CELF2: variants seen among roughly 807,000 people sequenced by gnomAD.
The protein encoded by CELF2 is CUGBP Elav-like family member 2, also known as CUG triplet repeat RNA-binding protein 2.
CELF2 carries 8 observed loss-of-function variants against 62.6 expected under a neutral mutation model. The observed-to-expected ratio is 0.13, with a 90% CI of 0.07 to 0.23. The LOEUF (loss-of-function observed/expected upper bound fraction) is 0.23. Ranked by LOEUF, CELF2 falls within the 10% of genes least tolerant of loss-of-function variation. CELF2 has a pLI of 1.00. For synonymous variants in CELF2, 258 were observed against 250.0 expected (o/e 1.03, Z -0.30); for missense variants, 333 against 671.0 (o/e 0.50, Z 5.56).
chr10:10,637,738 ATGT>A, the CELF2 span, among the ~76,000 whole-genome samples: 3 of 152,192 alleles, frequency 2.0e-5, no homozygotes, highest in Non-Finnish European at 2.9e-5. Flanking sequence ...TGATTTGAAC[ATGT>A]TGTAGGATCT....
intron 4 of CELF2, among the ~76,000 whole-genome samples, chr10:11,253,876 C>T (rs1056473116): frequency 4.6e-5 from 7 of 152,096 alleles, no homozygotes; most frequent in African/African-American, 1.7e-4. Context: ...ATTCAGTGTC[C>T]GTCATGGAAA....
At chr10:10,690,294 T>A in the CELF2 span, among the ~76,000 whole-genome samples, 1,386 of 152,314 alleles carry the variant, frequency 9.1e-3, 22 homozygotes, top group African/African-American at 0.031. Context: ...TCCTCCAGAC[T>A]GTAGCTTCCT....
chr10:10,652,293 A>G, the CELF2 span, among the ~76,000 whole-genome samples: 1 of 129,118 alleles, frequency 7.7e-6, no homozygotes, highest in Non-Finnish European at 1.7e-5. Flanking sequence ...GTTGGAAAAC[A>G]CTCTGCAGGA....
Position 11,300,733 on chromosome 10 carries a change from G to A in CELF2, c.976+12181G>A, listed in dbSNP as rs1036794361. On this transcript the variant is annotated intron_variant, in intron 9 of 12. Transcript: ENST00000633077. The surrounding 1 kb of genome is among the most constrained non-coding windows in gnomAD (Gnocchi z 5.5). The stretch of plus-strand genomic sequence containing the variant: ...CTACTTCCTCACAATCTTTTCCTGC[G>A]CAGTTGGAATTCCGCATCCAAGCTC... 1.1e-4 allele frequency among the ~76,000 whole-genome samples: 17 copies of A among 152,130 alleles called. No homozygotes were observed. The highest frequency in any genetic ancestry group is 1.0e-3 in the Admixed American group (16 of 15,276).
At chr10:10,526,095 T>C in the CELF2 span, among the ~76,000 whole-genome samples, 3 of 152,362 alleles carry the variant, frequency 2.0e-5, no homozygotes, top group Middle Eastern at 3.4e-3. Flanking sequence ...TTTTCACATA[T>C]AGATGTTGAT....
At chr10:11,193,238 G>C (rs1461163289) in intron 2 of CELF2, among the ~76,000 whole-genome samples, 1 of 152,098 alleles carries the variant, frequency 6.6e-6, no homozygotes. Context: ...GCTTCTCCAG[G>C]GCTGTCATTG....
At chr10:11,176,834 C>T (rs556682941) in intron 2 of CELF2, among the ~76,000 whole-genome samples, 4 of 152,274 alleles carry the variant, frequency 2.6e-5, no homozygotes, top group Non-Finnish European at 4.4e-5. Context: ...TTCCTTCATC[C>T]GCTTTTACAT....
At position 11,112,821 on chromosome 10, in the gene CELF2, G is replaced by C. The variant is rs137874566; in HGVS notation, c.75-52665G>C. ...AAACGGAACCATGAGTAAACGCAGTGCATTTCCACATGCGTAGCCCATATC... is the reference window on the plus strand; with the variant it reads ...AAACGGAACCATGAGTAAACGCAGTCCATTTCCACATGCGTAGCCCATATC... On this transcript the variant is annotated intron_variant, in intron 1 of 12. Transcript: ENST00000633077. Among the ~76,000 whole-genome samples, 98 of 152,332 alleles carry C rather than the reference G, an allele frequency of 6.4e-4. 2 individuals carry two copies. In the East Asian group the frequency reaches 0.018, roughly 28 times the overall value.
chr10:11,140,793 G>A (rs1564908961), intron 1 of CELF2, among the ~76,000 whole-genome samples: 1 of 152,134 alleles, frequency 6.6e-6, no homozygotes, highest in Non-Finnish European at 1.5e-5. Flanking sequence ...AGGTGGGAAG[G>A]ATTGCTTGAG....
the CELF2 span, among the ~76,000 whole-genome samples, chr10:10,571,256 C>T: frequency 6.6e-6 from 1 of 152,230 alleles, no homozygotes. Flanking sequence ...ATTTACCATC[C>T]ACAGACATTT....
At chr10:10,467,831 G>C in the CELF2 span, among the ~76,000 whole-genome samples, 1 of 151,928 alleles carries the variant, frequency 6.6e-6, no homozygotes, top group African/African-American at 2.4e-5. Flanking sequence ...GGGACTTCAA[G>C]AAGGTCATGG....
chr10:10,773,244 T>C, the CELF2 span, among the ~76,000 whole-genome samples: 2 of 152,214 alleles, frequency 1.3e-5, no homozygotes, highest in African/African-American at 4.8e-5. Flanking sequence ...GATTATTGTG[T>C]TATATGTGCC....
chr10:10,810,081 G>T (rs985916383), intron 1 of CELF2, among the ~76,000 whole-genome samples: 1 of 152,248 alleles, frequency 6.6e-6, no homozygotes, highest in Admixed American at 6.5e-5. Flanking sequence ...TCTTTTAAAG[G>T]ATTTTGTAAA....
intron 3 of CELF2, among the ~76,000 whole-genome samples, chr10:11,245,982 C>T (rs141547342): frequency 3.9e-5 from 6 of 152,276 alleles, no homozygotes; most frequent in African/African-American, 1.2e-4. Context: ...TGTGTCTATG[C>T]AGTCACTTAT....
the CELF2 span, among the ~76,000 whole-genome samples, chr10:10,629,861 C>CAAAAAAAAA: frequency 5.7e-4 from 7 of 12,348 alleles, 3 homozygotes; most frequent in Non-Finnish European, 1.0e-3. Flanking sequence ...GGCTGAAGAC[C>CAAAAAAAAA]AAAAAAAAAA....
At chr10:10,846,238 T>C (rs1040200088) in intron 1 of CELF2, 5 of 360,806 alleles carry the variant, frequency 1.4e-5, no homozygotes, top group African/African-American at 8.8e-5. Flanking sequence ...CCTCCTCATA[T>C]GCTAGGTTTC....
At chr10:10,733,335 C>T in the CELF2 span, among the ~76,000 whole-genome samples, 1 of 152,078 alleles carries the variant, frequency 6.6e-6, no homozygotes, top group Non-Finnish European at 1.5e-5. Flanking sequence ...TCAAACTTTC[C>T]CTCTTTCTAT....
chr10:10,623,735 C>T, the CELF2 span, among the ~76,000 whole-genome samples: 8 of 152,184 alleles, frequency 5.3e-5, no homozygotes, highest in African/African-American at 2.4e-5. Context: ...AAAGAGCTTA[C>T]GTTCACTGAG....
chr10:11,200,253 A>G (rs1445884200), intron 2 of CELF2, among the ~76,000 whole-genome samples: 1 of 152,186 alleles, frequency 6.6e-6, no homozygotes, highest in Non-Finnish European at 1.5e-5. Context: ...ATTCATATTT[A>G]TAGGTAGGTA....
Sources: gnomAD v4.1 joint callset for allele counts (sites outside exome capture counted in the v4.1 genomes callset) on GRCh38, gnomAD v4.1.1 for gene constraint, Gnocchi (gnomAD v3.1) non-coding constraint, MANE v1.5 for transcripts, NCBI Gene and HGNC (gene_info 2026-07-23, HGNC 2026-07-21) for gene names.